CCDC40: variants seen among roughly 807,000 people sequenced by gnomAD.
CCDC40 encodes coiled-coil domain-containing protein 40.
In CCDC40, 104 loss-of-function variants were observed where a neutral mutation model predicts 124.5. The ratio of observed to expected loss-of-function variants is 0.84; its 90% CI spans 0.71 to 0.98. The LOEUF is 0.98. Ranked by LOEUF, CCDC40 falls within the 50% of genes least tolerant of loss-of-function variation. CCDC40 has a pLI of 0.00. For missense variants in CCDC40, 1,463 were observed against 1,503.9 expected, an observed-to-expected ratio of 0.97 and a Z score of 0.45; for synonymous variants, 580 against 602.9, an observed-to-expected ratio of 0.96 and a Z score of 0.56.
At position 80,100,301 on chromosome 17, in the gene CCDC40, T is replaced by C. The variant is rs2038898313; in HGVS notation, c.*526T>C. 2 of 176,256 alleles carry C rather than the reference T, an allele frequency of 1.1e-5. No homozygotes were observed. Among genetic ancestry groups the C allele is most frequent in the Admixed American group, 5.4e-5 (1 of 18,396 alleles). 10.9% of individuals were successfully genotyped at this position (176,256 alleles called of 1,614,324 possible). On this transcript the variant is annotated 3_prime_UTR_variant, in exon 20 of 20. Transcript: ENST00000397545. The stretch of plus-strand genomic sequence containing the variant: ...CCCCTTAGAACTCTCAGGTCCCTTT[T>C]CCTGCCCCCATGTCCCCATTTGAGT...
rs780837572 is a variant in CCDC40, at chr17:80,050,002, C to T, written c.939+13C>T. 3.7e-6 allele frequency: 6 copies of T among 1,613,704 alleles called. No homozygotes were observed. The highest frequency in any genetic ancestry group is 5.1e-6 in the Non-Finnish European group (6 of 1,179,772). ...CCTCCAAGAGCTGGTGTGTATCCGT[C>T]CAGTCTCCCACCCTGGTCGGATGCC... On this transcript the variant is annotated intron_variant, in intron 6 of 19. Coordinates refer to ENST00000397545, the MANE Select transcript of CCDC40 (RefSeq NM_017950.4).
intron 17 of CCDC40, among the ~76,000 whole-genome samples, chr17:80,091,532 G>A (rs943951309): frequency 1.6e-3 from 41 of 25,966 alleles, no homozygotes; most frequent in African/African-American, 2.0e-3. Context: ...CCCCCACCCC[G>A]TCCCACCACC....
Position 80,047,382 on chromosome 17 carries a change from A to C in CCDC40, c.656A>C (p.Glu219Ala), listed in dbSNP as rs2037452785. ...GSDIESSDLE[E>A]FVSQEPVIPP... ...GACATCGAGTCCTCAGACCTGGAGGAGTTCGTCTCGCAGGAGCCAGGTGCC... is the reference window on the plus strand; with the variant it reads ...GACATCGAGTCCTCAGACCTGGAGGCGTTCGTCTCGCAGGAGCCAGGTGCC... Residue 219 changes from glutamate to alanine, a missense_variant, in exon 4 of 20, where the codon GAG becomes GCG. Transcript: ENST00000397545. 1 of 1,613,054 alleles carries C rather than the reference A, an allele frequency of 6.2e-7. No homozygotes were observed. Among genetic ancestry groups the C allele is most frequent in the East Asian group, 2.2e-5 (1 of 44,858 alleles).
intron 19 of CCDC40, chr17:80,098,978 CAAAAAA>C: frequency 1.7e-5 from 2 of 121,054 alleles, no homozygotes; most frequent in South Asian, 2.5e-4. Flanking sequence ...GAGACAGCCT[CAAAAAA>C]AAAAAAAAAA....
intron 19 of CCDC40, chr17:80,098,823 C>T (rs938588363): frequency 1.3e-5 from 2 of 151,712 alleles, no homozygotes; most frequent in East Asian, 2.0e-4. Context: ...CCTGTAATCT[C>T]AGCTACCCGG....
chr17:80,042,194 C>T (rs1004184485), intron 3 of CCDC40, among the ~76,000 whole-genome samples: 3 of 152,156 alleles, frequency 2.0e-5, no homozygotes, highest in Non-Finnish European at 4.4e-5. Flanking sequence ...TCTTGGTTCA[C>T]AGCAACCTCT....
intron 2 of CCDC40, among the ~76,000 whole-genome samples, chr17:80,039,051 A>G (rs8068767): frequency 0.34 from 51,444 of 151,654 alleles, 11,273 homozygotes; most frequent in African/African-American, 0.63. Context: ...TTCCTGTAAC[A>G]AAGGATGCAA....
chr17:80,097,700 G>A, intron 19 of CCDC40: 1 of 422,446 alleles, frequency 2.4e-6, no homozygotes, highest in Non-Finnish European at 4.4e-6. Flanking sequence ...TTACCTCCTG[G>A]GGCAGGAGGA....
At chr17:80,054,766 G>A (rs2143633975) in intron 7 of CCDC40, among the ~76,000 whole-genome samples, 1 of 152,312 alleles carries the variant, frequency 6.6e-6, no homozygotes, top group East Asian at 1.9e-4. Context: ...CTGAGGTCAG[G>A]AGTTCGAGAC....
chr17:80,057,337 C>T (rs1190577616), intron 7 of CCDC40, among the ~76,000 whole-genome samples: 1 of 151,936 alleles, frequency 6.6e-6, no homozygotes, highest in Non-Finnish European at 1.5e-5. Flanking sequence ...ATCCGCCCAC[C>T]TCGGCCTCTC....
chr17:80,040,104 A>G lies in CCDC40; in HGVS notation c.386A>G (p.Tyr129Cys), dbSNP rs1411665380. 6.2e-7 allele frequency: 1 copy of G among 1,614,128 alleles called. No individual in the cohort carries two copies. Among genetic ancestry groups the G allele is most frequent in the African/African-American group, 1.3e-5 (1 of 75,040 alleles). The change falls in exon 3 of 20, where the codon TAC becomes TGC. Residue 129 changes from tyrosine to cysteine, a missense_variant. Tyr to Cys is a radical substitution (Grantham distance 194). Transcript: ENST00000397545. ...PPQELPGEEA[Y>C]DSVSGEAGLQ... ...CAGGAACTGCCTGGAGAGGAGGCAT[A>G]CGATAGTGTTAGCGGGGAGGCTGGT...
At chr17:80,054,671 A>G (rs1056330940) in intron 7 of CCDC40, among the ~76,000 whole-genome samples, 2 of 152,236 alleles carry the variant, frequency 1.3e-5, no homozygotes, top group African/African-American at 4.8e-5. Context: ...TGTGCATTAT[A>G]TTTATAAATT....
intron 10 of CCDC40, among the ~76,000 whole-genome samples, chr17:80,068,207 T>C (rs1049632922): frequency 1.3e-5 from 2 of 152,100 alleles, no homozygotes; most frequent in Non-Finnish European, 2.9e-5. Flanking sequence ...CTAATTTTTG[T>C]ATTTTTAGTA....
Position 80,066,084 on chromosome 17 carries a change from G to T in CCDC40, c.1562+478G>T, listed in dbSNP as rs2038039229. On this transcript the variant is annotated intron_variant, in intron 10 of 19. Transcript: ENST00000397545. This position sits in a 1 kb window ranked among gnomAD's most constrained non-coding sequence, Gnocchi z 4.4. Reference sequence around the variant, plus strand: ...GGATGGATGCGTGGCTCAGGGCAGGGCGTTGGAGACACAGGTGCTGCCTTC... The same window carrying T: ...GGATGGATGCGTGGCTCAGGGCAGGTCGTTGGAGACACAGGTGCTGCCTTC... 2.8e-6 allele frequency: 2 copies of T among 702,974 alleles called. No individual in the cohort carries two copies. Among genetic ancestry groups the T allele is most frequent in the Non-Finnish European group, 2.6e-6 (1 of 384,990 alleles). The allele number at this position is 702,974 out of a possible 1,614,324, so 43.5% of individuals were successfully genotyped here.
Position 80,038,244 on chromosome 17 carries a change from T to C in CCDC40, c.93+58T>C, listed in dbSNP as rs2037180421. The C allele has an allele frequency of 7.4e-6, 9 of 1,210,906 alleles. No individual in the cohort carries two copies. The East Asian group carries it at 2.1e-4, about 29-fold the overall frequency. The allele number at this position is 1,210,906 out of a possible 1,614,324, so 75.0% of individuals were successfully genotyped here. A position where few individuals can be genotyped will look rare whatever the true frequency, so the allele number is the denominator to read the frequency against. On this transcript the variant is annotated intron_variant, in intron 2 of 19. Transcript: ENST00000397545. ...TATATTTACTAGGAATTAAAGAGAA[T>C]CAGAGTACGGGCACTGTGGCTCACG...
At chr17:80,056,726 A>G (rs1336335979) in intron 7 of CCDC40, among the ~76,000 whole-genome samples, 1 of 152,084 alleles carries the variant, frequency 6.6e-6, no homozygotes, top group Non-Finnish European at 1.5e-5. Flanking sequence ...AAGGATAATG[A>G]AAGAAATATT....
At chr17:80,095,175 G>A in intron 17 of CCDC40, 88 bp from the exon 18 acceptor site, 1 of 1,248,718 alleles carries the variant, frequency 8.0e-7, no homozygotes, top group Non-Finnish European at 1.2e-6. Flanking sequence ...TGTCACCGGA[G>A]GATGAGCGAG....
At chr17:80,084,068 A>G (rs1243278532) in intron 12 of CCDC40, among the ~76,000 whole-genome samples, 2 of 152,222 alleles carry the variant, frequency 1.3e-5, no homozygotes, top group African/African-American at 4.8e-5. Context: ...ATTGCAGGCA[A>G]TTGAATGTGT....
At chr17:80,045,464 G>A (rs946713390) in intron 3 of CCDC40, among the ~76,000 whole-genome samples, 2 of 152,122 alleles carry the variant, frequency 1.3e-5, no homozygotes, top group African/African-American at 2.4e-5. Flanking sequence ...AACACTTTGC[G>A]AGGCCGAGGC....
Sources: allele counts gnomAD v4.1 joint callset (sites outside exome capture counted in the v4.1 genomes callset), GRCh38; gene constraint gnomAD v4.1.1; non-coding constraint Gnocchi (gnomAD v3.1); transcripts MANE v1.5; gene names NCBI Gene and HGNC (gene_info 2026-07-23, HGNC 2026-07-21).